Variants in CASK observed in about 807,000 individuals in gnomAD.
CASK encodes the protein calcium/calmodulin dependent serine protein kinase.
CASK carries 4 observed loss-of-function variants against 82.9 expected under a neutral mutation model. The observed-to-expected ratio is 0.05, with a 90% CI of 0.02 to 0.11. The LOEUF (loss-of-function observed/expected upper bound fraction) is 0.11, where lower values mean the gene tolerates loss of function less well. CASK is among the 10% of genes least tolerant of loss of function. CASK has a pLI of 1.00. For synonymous variants in CASK, 259 were observed against 253.5 expected (o/e 1.02, Z -0.20); for missense variants, 358 against 720.9 (o/e 0.50, Z 5.76).
intron 20 of CASK, among the ~76,000 whole-genome samples, chrX:41,554,290 G>A (rs1024923372): frequency 3.6e-5 from 4 of 111,673 alleles, no homozygotes. Flanking sequence ...TGTCATGACT[G>A]CGTGGCAGCC....
At chrX:41,603,595 CTAAA>C in intron 12 of CASK, among the ~76,000 whole-genome samples, 1 of 112,136 alleles carries the variant, frequency 8.9e-6, no homozygotes, top group South Asian at 3.6e-4. Flanking sequence ...ATAAAGACTC[CTAAA>C]TTAATTGCTA....
At chrX:41,633,978 T>C (rs1212092706) in intron 9 of CASK, among the ~76,000 whole-genome samples, 1 of 111,568 alleles carries the variant, frequency 9.0e-6, no homozygotes, top group African/African-American at 3.3e-5. Context: ...CCCAGGCTGG[T>C]CTTGAACTCC....
intron 7 of CASK, among the ~76,000 whole-genome samples, chrX:41,664,015 A>T (rs1470882727): frequency 8.9e-6 from 1 of 111,955 alleles, no homozygotes; most frequent in Non-Finnish European, 1.9e-5. Flanking sequence ...TTCCTGAGAC[A>T]TTTAGTTACC....
At position 41,786,902 on chromosome X, in the gene CASK, G is replaced by T. The variant is rs5963276; in HGVS notation, c.278+276C>A. Reference sequence around the variant, plus strand: ...GACTTCTACTGGTCAGAAGTTTATAGTTTGGGGTCCTCCTATTCCTCTGAA... The same window carrying T: ...GACTTCTACTGGTCAGAAGTTTATATTTTGGGGTCCTCCTATTCCTCTGAA... On this transcript the variant is annotated intron_variant, in intron 3 of 26. Coordinates refer to ENST00000378163, the MANE Select transcript of CASK (RefSeq NM_001367721.1). The T allele has an allele frequency of 0.2, 60,384 of 304,798 alleles. 4,872 individuals carry two copies. Among genetic ancestry groups the T allele is most frequent in the Middle Eastern group, 0.26 (241 of 918 alleles). 25.1% of individuals were successfully genotyped at this position (304,798 alleles called of 1,213,427 possible). A position where few individuals can be genotyped will look rare whatever the true frequency, so the allele number is the denominator to read the frequency against.
intron 25 of CASK, among the ~76,000 whole-genome samples, chrX:41,530,447 T>C (rs2064784708): frequency 8.9e-6 from 1 of 112,248 alleles, no homozygotes; most frequent in African/African-American, 3.2e-5. Context: ...GGGTCAGGCA[T>C]TGTGCTCAGG....
intron 5 of CASK, among the ~76,000 whole-genome samples, chrX:41,693,482 C>T (rs1272104960): frequency 5.4e-5 from 6 of 110,168 alleles, no homozygotes; most frequent in African/African-American, 1.3e-4. Flanking sequence ...GGCATGGTGG[C>T]GGGCGCCTGT....
chrX:41,644,579 AC>A (rs2066722323), intron 8 of CASK, among the ~76,000 whole-genome samples: 1 of 112,273 alleles, frequency 8.9e-6, no homozygotes, highest in African/African-American at 3.2e-5. Context: ...CAAAAAAAGA[AC>A]AGGATAACAG....
intron 2 of CASK, among the ~76,000 whole-genome samples, chrX:41,815,570 A>C (rs925529573): frequency 7.1e-5 from 8 of 111,921 alleles, no homozygotes; most frequent in African/African-American, 2.6e-4. Context: ...TGGATGAACT[A>C]AACAGATTAG....
chrX:41,906,912 A>T (rs748670974), intron 1 of CASK, among the ~76,000 whole-genome samples: 46 of 112,951 alleles, frequency 4.1e-4, no homozygotes, highest in Non-Finnish European at 6.7e-4. Flanking sequence ...TGCAGAAGAC[A>T]GTAAAGCTCA....
intron 3 of CASK, among the ~76,000 whole-genome samples, chrX:41,779,362 T>C (rs758986851): frequency 6.2e-5 from 7 of 112,198 alleles, no homozygotes; most frequent in Non-Finnish European, 1.1e-4. Flanking sequence ...TGTGCCTGGT[T>C]TCCCCTGGAC....
chrX:41,847,725 C>T (rs1258049976), intron 2 of CASK, among the ~76,000 whole-genome samples: 2 of 112,092 alleles, frequency 1.8e-5, no homozygotes, highest in African/African-American at 6.5e-5. Context: ...CTGCTCTTTG[C>T]TTAGTGATTT....
chrX:41,691,797 T>C (rs1448258102), intron 5 of CASK, among the ~76,000 whole-genome samples: 4 of 82,531 alleles, frequency 4.8e-5, no homozygotes, highest in Non-Finnish European at 8.6e-5. Context: ...GCTGAGACCA[T>C]GCCATTGCAC....
chrX:41,858,161 A>G (rs898390874), intron 1 of CASK, among the ~76,000 whole-genome samples: 2 of 111,542 alleles, frequency 1.8e-5, no homozygotes, highest in Admixed American at 9.4e-5. Context: ...CACAGAAGAG[A>G]GATGAAGGGA....
rs185682289 is a variant in CASK, at chrX:41,869,462, T to C, written c.60-16235A>G. On this transcript the variant is annotated intron_variant, in intron 1 of 26. Coordinates refer to ENST00000378163, the MANE Select transcript of CASK (RefSeq NM_001367721.1). ...GTAGGCAGATGCTCTCAAGAAAAGA[T>C]ACCGTATCTTAGAATTAGCAAAAAT... 4.4e-4 allele frequency among the ~76,000 whole-genome samples: 49 copies of C among 111,031 alleles called. 1 individual carries two copies. The East Asian group carries it at 4.8e-3, about 11-fold the overall frequency.
At chrX:41,570,010 CTT>C (rs397937722) in intron 15 of CASK, among the ~76,000 whole-genome samples, 81 of 70,611 alleles carry the variant, frequency 1.1e-3, no homozygotes, top group African/African-American at 4.0e-3. Context: ...TTTCTTTTTT[CTT>C]TTTTTTTTTT....
chrX:41,759,539 T>C (rs768389280), intron 3 of CASK, among the ~76,000 whole-genome samples: 3 of 111,424 alleles, frequency 2.7e-5, no homozygotes, highest in African/African-American at 9.8e-5. Flanking sequence ...TTTTTTCCCC[T>C]ATCAAGGCTC....
At chrX:41,635,382 T>C (rs1442486967) in intron 9 of CASK, among the ~76,000 whole-genome samples, 1 of 111,818 alleles carries the variant, frequency 8.9e-6, no homozygotes, top group African/African-American at 3.2e-5. Flanking sequence ...TTAGAATTTA[T>C]GGCATATCTG....
chrX:41,805,821 A>G (rs192817341), intron 2 of CASK, among the ~76,000 whole-genome samples: 20 of 111,307 alleles, frequency 1.8e-4, no homozygotes, highest in Non-Finnish European at 3.2e-4. Flanking sequence ...AAGGAGAGAC[A>G]CCATATTCAA....
chrX:41,710,486 T>C (rs1466253195), intron 5 of CASK, among the ~76,000 whole-genome samples: 1 of 111,552 alleles, frequency 9.0e-6, no homozygotes, highest in Non-Finnish European at 1.9e-5. Flanking sequence ...TAAAAGACAA[T>C]GTTTAGCCAG....
Sources: gnomAD v4.1 joint callset for allele counts (sites outside exome capture counted in the v4.1 genomes callset) on GRCh38, gnomAD v4.1.1 for gene constraint, MANE v1.5 for transcripts, NCBI Gene and HGNC (gene_info 2026-07-23, HGNC 2026-07-21) for gene names.